The following SCN8A variants were observed in gnomAD, a reference collection of about 807,000 sequenced individuals.
SCN8A encodes sodium channel protein type 8 subunit alpha.
Under a neutral mutation model 184.1 loss-of-function variants are expected in SCN8A, and 30 were observed. That is an observed-to-expected ratio of 0.16 (90% CI 0.12 to 0.22). The LOEUF (loss-of-function observed/expected upper bound fraction) is 0.22. Among genes scored for constraint, SCN8A ranks in the 10% least tolerant of loss-of-function variants. The pLI, the probability that SCN8A is intolerant of heterozygous loss-of-function variation, is 1.00. For missense variants in SCN8A, 1,057 were observed against 2,498.9 expected (o/e 0.42, Z 12.30); for synonymous variants, 852 against 907.0 (o/e 0.94, Z 1.09).
At chr12:51,796,946 G>T (rs1200653950) in intron 26 of SCN8A, among the ~76,000 whole-genome samples, 1 of 152,140 alleles carries the variant, frequency 6.6e-6, no homozygotes, top group Non-Finnish European at 1.5e-5. Context: ...ATTAGATGGT[G>T]CCCACCCACA....
At chr12:51,668,447 T>C (rs1300535574) in intron 2 of SCN8A, among the ~76,000 whole-genome samples, 9 of 152,186 alleles carry the variant, frequency 5.9e-5, no homozygotes, top group African/African-American at 2.2e-4. Context: ...TTACAACATA[T>C]TTCTAGTTCC....
At chr12:51,617,946 G>A (rs1174941364) in intron 1 of SCN8A, among the ~76,000 whole-genome samples, 1 of 152,086 alleles carries the variant, frequency 6.6e-6, no homozygotes, top group African/African-American at 2.4e-5. Context: ...GCTGTTTAGG[G>A]CCAGATACAT....
chr12:51,636,161 A>AT (rs1042664422), intron 1 of SCN8A, among the ~76,000 whole-genome samples: 1 of 151,842 alleles, frequency 6.6e-6, no homozygotes, highest in Non-Finnish European at 1.5e-5. Context: ...CGCCTGGCTA[A>AT]TTTTTTTTCT....
At chr12:51,794,100 C>T (rs1337472633) in intron 25 of SCN8A, among the ~76,000 whole-genome samples, 1 of 142,718 alleles carries the variant, frequency 7.0e-6, no homozygotes. Flanking sequence ...GAGTCAAGAT[C>T]GCACCACTGC....
chr12:51,719,899 ACC>A (rs1942021850), intron 11 of SCN8A, among the ~76,000 whole-genome samples: 1 of 151,836 alleles, frequency 6.6e-6, no homozygotes, highest in Non-Finnish European at 1.5e-5. Flanking sequence ...ACACGGTGAA[ACC>A]CCGTCTCTAC....
At chr12:51,659,497 C>A (rs893539608) in intron 1 of SCN8A, among the ~76,000 whole-genome samples, 1 of 152,112 alleles carries the variant, frequency 6.6e-6, no homozygotes, top group African/African-American at 2.4e-5. Flanking sequence ...CAGTTACCAG[C>A]GCAGGTGTTC....
chr12:51,628,828 T>G (rs1256486764), intron 1 of SCN8A, among the ~76,000 whole-genome samples: 1 of 152,218 alleles, frequency 6.6e-6, no homozygotes, highest in African/African-American at 2.4e-5. Flanking sequence ...AAGTACTGGT[T>G]ATATATTATT....
chr12:51,600,039 G>A (rs1267919116), intron 1 of SCN8A, among the ~76,000 whole-genome samples: 5 of 152,286 alleles, frequency 3.3e-5, no homozygotes, highest in Admixed American at 1.3e-4. Context: ...TTAACAAGCT[G>A]TCTTTATTTC....
chr12:51,764,627 T>C (rs1388324483), intron 15 of SCN8A, among the ~76,000 whole-genome samples: 1 of 152,106 alleles, frequency 6.6e-6, no homozygotes, highest in Non-Finnish European at 1.5e-5. Context: ...AGAGTGAGAC[T>C]CTGTCTCAAA....
chr12:51,651,339 G>A (rs1477205918), intron 1 of SCN8A, among the ~76,000 whole-genome samples: 2 of 152,126 alleles, frequency 1.3e-5, no homozygotes, highest in African/African-American at 4.8e-5. Flanking sequence ...GAGTAGCTGG[G>A]GTTACAGGCA....
intron 21 of SCN8A, among the ~76,000 whole-genome samples, chr12:51,781,860 T>C (rs1325667044): frequency 6.6e-6 from 1 of 152,122 alleles, no homozygotes; most frequent in African/African-American, 2.4e-5. Context: ...CGTCAGAATG[T>C]AAGAATAAAA....
At chr12:51,780,831 A>G in intron 21 of SCN8A, 60 bp downstream of exon 21, 1 of 1,438,400 alleles carries the variant, frequency 7.0e-7, no homozygotes, top group African/African-American at 1.5e-5. Context: ...TAAGCATGCT[A>G]GAACTGATCA....
chr12:51,688,656 A>G, intron 5 of SCN8A: 1 of 774,948 alleles, frequency 1.3e-6, no homozygotes, highest in South Asian at 1.7e-5. Context: ...TTCAAGGAAA[A>G]AAAATGAAAC....
intron 20 of SCN8A, among the ~76,000 whole-genome samples, chr12:51,779,912 T>G (rs900585899): frequency 6.6e-6 from 1 of 152,156 alleles, no homozygotes; most frequent in East Asian, 1.9e-4. Context: ...AGTCAGAAGG[T>G]TATTTTAGTT....
intron 1 of SCN8A, among the ~76,000 whole-genome samples, chr12:51,613,929 A>G (rs1308274724): frequency 6.6e-6 from 1 of 152,106 alleles, no homozygotes; most frequent in African/African-American, 2.4e-5. Flanking sequence ...TATTATTTCA[A>G]TATTTTACAA....
chr12:51,742,227 G>A (rs1272199209), intron 12 of SCN8A, among the ~76,000 whole-genome samples: 1 of 152,104 alleles, frequency 6.6e-6, no homozygotes, highest in Non-Finnish European at 1.5e-5. Flanking sequence ...GAGTTTACAT[G>A]CCACAATTAC....
intron 15 of SCN8A, among the ~76,000 whole-genome samples, chr12:51,763,408 G>A (rs1177036181): frequency 2.0e-5 from 3 of 152,196 alleles, no homozygotes; most frequent in Non-Finnish European, 4.4e-5. Context: ...GTTTAAGGTA[G>A]GCTAGGCTAA....
chr12:51,631,828 A>T (rs1940202052), intron 1 of SCN8A, among the ~76,000 whole-genome samples: 1 of 152,212 alleles, frequency 6.6e-6, no homozygotes, highest in South Asian at 2.1e-4. Context: ...GCTTGTGCAC[A>T]GCTTGGTGGC....
chr12:51,663,180 C>T (rs1258995915), intron 2 of SCN8A, 87 bp downstream of exon 2: 5 of 1,471,738 alleles, frequency 3.4e-6, no homozygotes, highest in Non-Finnish European at 3.7e-6. Context: ...GTCTCTTTGC[C>T]AAAGTTTGGA....
Sources: gnomAD v4.1 joint callset for allele counts (sites outside exome capture counted in the v4.1 genomes callset) on GRCh38, gnomAD v4.1.1 for gene constraint, MANE v1.5 for transcripts, NCBI Gene and HGNC (gene_info 2026-07-23, HGNC 2026-07-21) for gene names.